KRT1: variants seen among roughly 807,000 people sequenced by gnomAD.
The protein encoded by KRT1 is keratin, type II cytoskeletal 1.
In KRT1, 28 loss-of-function variants were observed where a neutral mutation model predicts 51.6. That is an observed-to-expected ratio of 0.54 (90% CI 0.40 to 0.74). The LOEUF (loss-of-function observed/expected upper bound fraction) is 0.74. Among genes scored for constraint, KRT1 ranks in the 30% least tolerant of loss-of-function variants. KRT1 has a pLI of 0.00. For missense variants in KRT1, 783 were observed against 815.5 expected, an observed-to-expected ratio of 0.96 and a Z score of 0.49; for synonymous variants, 301 against 307.7, an observed-to-expected ratio of 0.98 and a Z score of 0.23.
chr12:52,680,336 A>C lies in KRT1; in HGVS notation c.13T>G (p.Phe5Val). Residue 5 changes from phenylalanine to valine, a missense_variant, in exon 1 of 9, where the codon TTT (phenylalanine) becomes GTT (valine). Phe to Val is a conservative substitution (Grantham distance 50, BLOSUM62 -1). Coordinates refer to ENST00000252244, the MANE Select transcript of KRT1 (RefSeq NM_006121.4). MSRQFSSRSGYRSGG... is the reference protein window; with the variant it reads MSRQVSSRSGYRSGG... ...CTTCGGTACCCAGACCTGGAACTAAACTGTCGACTCATGTTGACTTAGAGA... is the reference window on the plus strand; with the variant it reads ...CTTCGGTACCCAGACCTGGAACTAACCTGTCGACTCATGTTGACTTAGAGA... The C allele has an allele frequency of 1.9e-6, 3 of 1,614,060 alleles. No individual in the cohort carries two copies. The highest frequency in any genetic ancestry group is 2.5e-6 in the Non-Finnish European group (3 of 1,180,020).
At chr12:52,677,576 T>G in intron 4 of KRT1, 74 bp downstream of exon 4, 1 of 1,605,030 alleles carries the variant, frequency 6.2e-7, no homozygotes, top group South Asian at 1.1e-5. Flanking sequence ...AAATATCTAT[T>G]CTTCTGAATC....
intron 7 of KRT1, among the ~76,000 whole-genome samples, chr12:52,676,062 T>C (rs1941498176): frequency 6.6e-6 from 1 of 152,214 alleles, no homozygotes. Flanking sequence ...TCAAAGCTCT[T>C]TCTAGATATG....
At chr12:52,678,110 C>T in intron 3 of KRT1, 53 bp downstream of exon 3, 1 of 1,560,652 alleles carries the variant, frequency 6.4e-7, no homozygotes, top group Non-Finnish European at 8.8e-7. Context: ...AATTGGAGAC[C>T]CTCTTCCCTT....
chr12:52,679,659 A>G, intron 1 of KRT1, 99 bp downstream of exon 1: 2 of 1,045,300 alleles, frequency 1.9e-6, no homozygotes, highest in African/African-American at 1.6e-5. Context: ...TTAATCATGT[A>G]AACATGGAAA....
In KRT1 at chr12:52,677,102, A is replaced by G; in HGVS notation, c.1211T>C (p.Val404Ala). ...SKIEISELNR[V>A]IQRLRSEIDN... is the part of the protein sequence containing the mutation. ...GATTTCAGATCTAAGTCTCTGGATC[A>G]CACGATTCAGCTCAGAAATTTCTAT... Residue 404 changes from valine (V) to alanine (A), a missense_variant, in exon 6 of 9, where the codon GTG becomes GCG. Val to Ala is a moderately conservative substitution (Grantham distance 64). Coordinates refer to ENST00000252244, the MANE Select transcript of KRT1 (RefSeq NM_006121.4). 6.2e-7 allele frequency: 1 copy of G among 1,614,064 alleles called. No homozygotes were observed. The highest frequency in any genetic ancestry group is 8.5e-7 in the Non-Finnish European group (1 of 1,180,046).
At chr12:52,676,602 CA>C in intron 6 of KRT1, 107 bp from the exon 7 acceptor site, 1 of 1,132,808 alleles carries the variant, frequency 8.8e-7, no homozygotes, top group African/African-American at 1.5e-5. Flanking sequence ...CCAACAGAAC[CA>C]CTTGGCCTTA....
At chr12:52,677,262 G>C (rs748587731) in intron 5 of KRT1, 54 bp downstream of exon 5, 19 of 1,614,022 alleles carry the variant, frequency 1.2e-5, no homozygotes, top group Non-Finnish European at 1.6e-5. Context: ...AGATAACACA[G>C]GATAGCAAGA....
At chr12:52,676,159 T>C in intron 7 of KRT1, 116 bp downstream of exon 7, 1 of 900,870 alleles carries the variant, frequency 1.1e-6, no homozygotes, top group Non-Finnish European at 1.8e-6. Flanking sequence ...CGTGTACTTT[T>C]CATTTCCCCA....
rs766275736 is a variant in KRT1 at position 52,676,351 on chromosome 12, C to G, written c.1399G>C (p.Glu467Gln). 1 of 1,614,166 alleles carries G rather than the reference C, an allele frequency of 6.2e-7. No individual in the cohort carries two copies. Among genetic ancestry groups the G allele is most frequent in the Non-Finnish European group, 8.5e-7 (1 of 1,180,034 alleles). The change falls in exon 7 of 9, where the codon GAG becomes CAG. Residue 467 changes from glutamate (E) to glutamine (Q), a missense_variant. Transcript: ENST00000252244. The stretch of plus-strand genomic sequence containing the variant: ...AGGGCCAGCTTTGTGTTCATCAGCT[C>G]CTGGTAGTCGCGCAGCAGGCGGGCC... Reference protein sequence around the residue: ...DLARLLRDYQELMNTKLALDL... With the variant: ...DLARLLRDYQQLMNTKLALDL...
intron 3 of KRT1, 76 bp from the exon 4 acceptor site, chr12:52,677,821 C>T: frequency 7.6e-7 from 1 of 1,316,830 alleles, no homozygotes; most frequent in Non-Finnish European, 1.1e-6. Context: ...AGGGGATTCT[C>T]CAAGCAAAAA....
In KRT1 at chr12:52,677,450, C is replaced by T; in HGVS notation, c.994G>A (p.Glu332Lys). The change falls in exon 5 of 9, where the codon GAA (glutamate) becomes AAA (lysine). Residue 332 changes from glutamate to lysine, a missense_variant. Physicochemically the swap from Glu to Lys is moderately conservative, Grantham distance 56 (BLOSUM62 1). Coordinates refer to ENST00000252244, the MANE Select transcript of KRT1 (RefSeq NM_006121.4). Reference sequence around the variant, plus strand: ...TCCATAGAGAGGATGACATTAGTTTCACTGATTTGAGTCTGCATCTGAGAC... The same window carrying T: ...TCCATAGAGAGGATGACATTAGTTTTACTGATTTGAGTCTGCATCTGAGAC... ...ELSQMQTQISETNVILSMDNN... is the reference protein window; with the variant it reads ...ELSQMQTQISKTNVILSMDNN... The T allele has an allele frequency of 6.2e-7, 1 of 1,614,216 alleles. No homozygotes were observed. Among genetic ancestry groups the T allele is most frequent in the African/African-American group, 1.3e-5 (1 of 75,052 alleles).
chr12:52,680,245 G>T lies in KRT1; in HGVS notation c.104C>A (p.Ser35Tyr), dbSNP rs776371326. The part of the protein sequence containing the change: ...INYQRRTTSS[S>Y]TRRSGGGGGR... ...ACCACCTCCTCCACTGCGGCGTGTGGAGCTGCTGGTGGTCCTGCGCTGGTA... is the reference window on the plus strand; with the variant it reads ...ACCACCTCCTCCACTGCGGCGTGTGTAGCTGCTGGTGGTCCTGCGCTGGTA... Residue 35 changes from serine to tyrosine, a missense_variant, in exon 1 of 9, where the codon TCC becomes TAC. Physicochemically the swap from Ser to Tyr is moderately radical, Grantham distance 144. Transcript: ENST00000252244. The T allele has an allele frequency of 6.2e-7, 1 of 1,614,130 alleles. No individual in the cohort carries two copies. Among genetic ancestry groups the T allele is most frequent in the South Asian group, 1.1e-5 (1 of 91,078 alleles).
Position 52,675,025 on chromosome 12 carries a change from A to T in KRT1, c.*168T>A. 1.0e-6 allele frequency: 1 copy of T among 960,266 alleles called. No individual in the cohort carries two copies. Among genetic ancestry groups the T allele is most frequent in the Non-Finnish European group, 1.7e-6 (1 of 600,682 alleles). 59.5% of individuals were successfully genotyped at this position (960,266 alleles called of 1,614,324 possible). A position where few individuals can be genotyped will look rare whatever the true frequency, so the allele number is the denominator to read the frequency against. On this transcript the variant is annotated 3_prime_UTR_variant, in exon 9 of 9. Transcript: ENST00000252244. ...AGATTGCCACTGATCTGAAAACTTCATTGGGAAACAGCAGAAAAGAAAGAG... is the reference window on the plus strand; with the variant it reads ...AGATTGCCACTGATCTGAAAACTTCTTTGGGAAACAGCAGAAAAGAAAGAG...
Position 52,675,722 on chromosome 12 carries a change from T to C in KRT1, c.1498A>G (p.Asn500Asp). Residue 500 changes from asparagine (N) to aspartate (D), a missense_variant, in exon 8 of 9, where the codon AAC (asparagine) becomes GAC (aspartate). Coordinates refer to ENST00000252244, the MANE Select transcript of KRT1 (RefSeq NM_006121.4). ...GACTTGTACTTACACACACTCACGTTCGGGGCACATTCTCCAGACATCCTG... is the reference window on the plus strand; with the variant it reads ...GACTTGTACTTACACACACTCACGTCCGGGGCACATTCTCCAGACATCCTG... ...ESRMSGECAP[N>D]VSVSVSTSHT... The C allele has an allele frequency of 6.2e-7, 1 of 1,614,208 alleles. No individual in the cohort carries two copies. The highest frequency in any genetic ancestry group is 8.5e-7 in the Non-Finnish European group (1 of 1,180,034).
In KRT1 at chr12:52,677,082, C is replaced by T. The variant is rs1166815949; in HGVS notation, c.1231G>A (p.Glu411Lys). 6.2e-7 allele frequency: 1 copy of T among 1,613,772 alleles called. No individual in the cohort carries two copies. The highest frequency in any genetic ancestry group is 1.7e-5 in the Admixed American group (1 of 60,032). ...ACCTGCTTCTTGACATTGTCGATTTCAGATCTAAGTCTCTGGATCACACGA... is the reference window on the plus strand; with the variant it reads ...ACCTGCTTCTTGACATTGTCGATTTTAGATCTAAGTCTCTGGATCACACGA... ...LNRVIQRLRS[E>K]IDNVKKQISN... The change falls in exon 6 of 9, where the codon GAA becomes AAA. Residue 411 changes from glutamate to lysine, a missense_variant. Transcript: ENST00000252244.
At position 52,675,400 on chromosome 12, in the gene KRT1, G is replaced by A; in HGVS notation, c.1728C>T (p.Gly576=). 6.4e-7 allele frequency: 1 copy of A among 1,574,032 alleles called. No homozygotes were observed. The highest frequency in any genetic ancestry group is 8.6e-7 in the Non-Finnish European group (1 of 1,156,522). ...YGSGGGGGGH[G]SYGSGSSSGG... ...CACTGCTGCTTCCGGAGCCGTAGCT[G>A]CCATGGCCGCCGCCGCCACCTCCAG... Residue 576 remains glycine, a synonymous_variant, in exon 9 of 9, where the codon GGC becomes GGT. Transcript: ENST00000252244.
At position 52,675,131 on chromosome 12, in the gene KRT1, C is replaced by T; in HGVS notation, c.*62G>A. 1 of 1,602,742 alleles carries T rather than the reference C, an allele frequency of 6.2e-7. No homozygotes were observed. Among genetic ancestry groups the T allele is most frequent in the Non-Finnish European group, 8.5e-7 (1 of 1,171,304 alleles). On this transcript the variant is annotated 3_prime_UTR_variant, in exon 9 of 9. Transcript: ENST00000252244. Reference sequence around the variant, plus strand: ...CTGGGACAAATCGACCTCGGTCTTGCCAAGCATATTTGTTAGTGATGCTGG... The same window carrying T: ...CTGGGACAAATCGACCTCGGTCTTGTCAAGCATATTTGTTAGTGATGCTGG...
At position 52,675,564 on chromosome 12, in the gene KRT1, CGCCACCTCCTCGGCT is replaced by C; in HGVS notation, c.1549_1563del (p.Ser517_Gly521del). On this transcript the variant is annotated inframe_deletion, in exon 9 of 9. Transcript: ENST00000252244. ...CTACCTCCAGAGCCGTAGCCACCGC[CGCCACCTCCTCGGCT>C]GCCACCTCCACTGATGGTGGTGTGG... The C allele has an allele frequency of 6.2e-7, 1 of 1,614,102 alleles. No homozygotes were observed.
chr12:52,675,676 T>G, intron 8 of KRT1, 34 bp downstream of exon 8: 1 of 1,614,216 alleles, frequency 6.2e-7, no homozygotes, highest in Non-Finnish European at 8.5e-7. Flanking sequence ...CAACAAAGCC[T>G]GCACATGCCC....
Sources: gnomAD v4.1 joint callset for allele counts (sites outside exome capture counted in the v4.1 genomes callset) on GRCh38, gnomAD v4.1.1 for gene constraint, MANE v1.5 for transcripts, NCBI Gene and HGNC (gene_info 2026-07-23, HGNC 2026-07-21) for gene names.